CSMD1: variants seen among roughly 807,000 people sequenced by gnomAD.
The protein encoded by CSMD1 is CUB and Sushi multiple domains 1, also known as CUB and sushi domain-containing protein 1.
Under a neutral mutation model 417.5 loss-of-function variants are expected in CSMD1, and 213 were observed. The observed-to-expected ratio is 0.51, with a 90% CI of 0.46 to 0.57. The LOEUF (loss-of-function observed/expected upper bound fraction) is 0.57. CSMD1 is among the 20% of genes least tolerant of loss of function. The pLI is 0.00. For missense variants in CSMD1, 6,923 were observed against 4,529.7 expected (o/e 1.53, Z -15.17); for synonymous variants, 2,862 against 1,736.8 (o/e 1.65, Z -16.11).
At chr8:4,328,512 T>C (rs1563060283) in intron 3 of CSMD1, among the ~76,000 whole-genome samples, 1 of 152,130 alleles carries the variant, frequency 6.6e-6, no homozygotes, top group Non-Finnish European at 1.5e-5. Flanking sequence ...CCTGCTTTTT[T>C]GGTAATAAAG....
chr8:3,084,617 C>G (rs959711405), intron 49 of CSMD1, among the ~76,000 whole-genome samples: 3 of 151,332 alleles, frequency 2.0e-5, no homozygotes, highest in East Asian at 3.9e-4. Context: ...TTGTTGCACA[C>G]TACAAAAATC....
chr8:3,789,390 GT>G (rs67068655), intron 5 of CSMD1, among the ~76,000 whole-genome samples: 100,955 of 136,444 alleles, frequency 0.74, 37,560 homozygotes, highest in East Asian at 0.94. Flanking sequence ...TTTAAGTAGT[GT>G]TTTTTTTTTT....
At chr8:3,723,178 C>G (rs1187649144) in intron 6 of CSMD1, among the ~76,000 whole-genome samples, 1 of 152,190 alleles carries the variant, frequency 6.6e-6, no homozygotes, top group East Asian at 1.9e-4. Flanking sequence ...AATGAAGGGG[C>G]CACTCGGGGC....
At chr8:4,686,808 G>T (rs1173976530) in intron 1 of CSMD1, among the ~76,000 whole-genome samples, 3 of 152,200 alleles carry the variant, frequency 2.0e-5, no homozygotes, top group East Asian at 1.9e-4. Context: ...TGAAAGGTTA[G>T]AACCATGAAA....
At chr8:4,257,754 G>A (rs1449140043) in intron 3 of CSMD1, among the ~76,000 whole-genome samples, 3 of 152,144 alleles carry the variant, frequency 2.0e-5, no homozygotes, top group Admixed American at 6.5e-5. Flanking sequence ...CGTTTGTTAG[G>A]CCAAGGATAA....
intron 2 of CSMD1, among the ~76,000 whole-genome samples, chr8:4,516,376 A>G (rs1803124206): frequency 6.6e-6 from 1 of 152,148 alleles, no homozygotes; most frequent in African/African-American, 2.4e-5. Context: ...GTGGTACTTT[A>G]TCATGGCAGC....
At chr8:3,080,501 C>G (rs907445696) in intron 49 of CSMD1, among the ~76,000 whole-genome samples, 3 of 152,162 alleles carry the variant, frequency 2.0e-5, no homozygotes, top group Admixed American at 2.0e-4. Context: ...TTTGCCGGCT[C>G]CATCTTCTCA....
intron 3 of CSMD1, among the ~76,000 whole-genome samples, chr8:4,118,234 G>A (rs1172399315): frequency 6.6e-6 from 1 of 152,102 alleles, no homozygotes; most frequent in African/African-American, 2.4e-5. Flanking sequence ...CACATGCTTT[G>A]TTCCAGCAAC....
At chr8:4,458,721 G>T (rs930121045) in intron 2 of CSMD1, among the ~76,000 whole-genome samples, 2 of 152,028 alleles carry the variant, frequency 1.3e-5, no homozygotes, top group African/African-American at 2.4e-5. Context: ...TTTATTAGTG[G>T]GAAAAATATT....
intron 2 of CSMD1, among the ~76,000 whole-genome samples, chr8:4,524,080 T>G (rs933918387): frequency 2.6e-5 from 4 of 152,084 alleles, no homozygotes; most frequent in African/African-American, 9.7e-5. Context: ...AACGAACAAC[T>G]AGACTCTGGA....
chr8:3,696,293 T>C (rs889950904), intron 7 of CSMD1, among the ~76,000 whole-genome samples: 1 of 152,214 alleles, frequency 6.6e-6, no homozygotes, highest in Non-Finnish European at 1.5e-5. Flanking sequence ...ATGCAGTGCA[T>C]GCAAAATATG....
intron 3 of CSMD1, among the ~76,000 whole-genome samples, chr8:4,197,319 C>T (rs1002641482): frequency 6.6e-6 from 1 of 152,162 alleles, no homozygotes; most frequent in Non-Finnish European, 1.5e-5. Flanking sequence ...ATACAACAAC[C>T]TGACTTGGCC....
chr8:3,320,078 C>T (rs1375682333), intron 23 of CSMD1, among the ~76,000 whole-genome samples: 1 of 152,152 alleles, frequency 6.6e-6, no homozygotes, highest in Non-Finnish European at 1.5e-5. Context: ...AGAGGGGCTG[C>T]CACCAGCGCA....
At position 3,378,974 on chromosome 8, in the gene CSMD1, A is replaced by C. The variant is rs111630535; in HGVS notation, c.2782+8520T>G. Among the ~76,000 whole-genome samples the C allele has an allele frequency of 9.6e-3, 1,469 of 152,364 alleles. 10 individuals carry two copies. The highest frequency in any genetic ancestry group is 0.015 in the Non-Finnish European group (1,013 of 68,032). On this transcript the variant is annotated intron_variant, in intron 18 of 69. Transcript: ENST00000635120. ...GTCAAATTGTCTCTGTTTGGAGATG[A>C]CATGATTGTATATTTAGAAAACCCC...
At chr8:3,380,204 C>T (rs996554462) in intron 18 of CSMD1, among the ~76,000 whole-genome samples, 5 of 152,038 alleles carry the variant, frequency 3.3e-5, no homozygotes, top group African/African-American at 4.8e-5. Flanking sequence ...GTCTCACAAC[C>T]GTTAGAAAGG....
chr8:2,969,239 G>A (rs529587846), intron 57 of CSMD1, among the ~76,000 whole-genome samples: 1 of 152,222 alleles, frequency 6.6e-6, no homozygotes, highest in African/African-American at 2.4e-5. Flanking sequence ...TGTAGCTTAT[G>A]CTATTGTTAT....
intron 3 of CSMD1, among the ~76,000 whole-genome samples, chr8:4,245,309 G>C (rs1240997117): frequency 6.6e-6 from 1 of 152,136 alleles, no homozygotes; most frequent in Admixed American, 6.6e-5. Context: ...CTGCATAAAA[G>C]TATGTACTTG....
intron 3 of CSMD1, among the ~76,000 whole-genome samples, chr8:4,068,101 AG>A (rs1166612607): frequency 6.6e-6 from 1 of 152,182 alleles, no homozygotes; most frequent in Non-Finnish European, 1.5e-5. Context: ...AAAGAAAAAA[AG>A]GGACACAACA....
intron 52 of CSMD1, among the ~76,000 whole-genome samples, chr8:3,002,588 A>G (rs1419141983): frequency 6.6e-6 from 1 of 152,184 alleles, no homozygotes; most frequent in Non-Finnish European, 1.5e-5. Flanking sequence ...ATTTTAACAG[A>G]GCTCCTCTCA....
Sources: allele counts gnomAD v4.1 joint callset (sites outside exome capture counted in the v4.1 genomes callset), GRCh38; gene constraint gnomAD v4.1.1; transcripts MANE v1.5; gene names NCBI Gene and HGNC (gene_info 2026-07-23, HGNC 2026-07-21).